Variants in NFATC1 observed in about 807,000 individuals in gnomAD.
NFATC1 encodes the protein nuclear factor of activated T cells 1, also known as nuclear factor of activated T-cells, cytoplasmic 1.
In NFATC1, 22 loss-of-function variants were observed where a neutral mutation model predicts 76.0. That is an observed-to-expected ratio of 0.29 (90% CI 0.21 to 0.41). The LOEUF (loss-of-function observed/expected upper bound fraction) is 0.41, where lower values mean the gene tolerates loss of function less well. NFATC1 is among the 10% of genes least tolerant of loss of function. NFATC1 has a pLI of 1.00. For synonymous variants in NFATC1, 704 were observed against 613.1 expected (o/e 1.15, Z -2.19); for missense variants, 1,357 against 1,337.7 (o/e 1.01, Z -0.23).
At chr18:79,464,682 G>GTACGTATATATATACACACATGTATA (rs2088356170) in intron 7 of NFATC1, among the ~76,000 whole-genome samples, 1 of 100,790 alleles carries the variant, frequency 9.9e-6, no homozygotes, top group African/African-American at 4.6e-5. Context: ...ATATGTATGT[G>GTACGTATATATATACACACATGTATA]TATATATATA....
chr18:79,466,157 A>G (rs1290575205), intron 7 of NFATC1, among the ~76,000 whole-genome samples: 1 of 152,216 alleles, frequency 6.6e-6, no homozygotes, highest in African/African-American at 2.4e-5. Context: ...TTATTTGTAA[A>G]TGAAAGAGCC....
chr18:79,510,079 A>G (rs568923717), intron 9 of NFATC1, among the ~76,000 whole-genome samples: 32 of 152,190 alleles, frequency 2.1e-4, no homozygotes, highest in Non-Finnish European at 3.4e-4. Context: ...TCAGAAACCA[A>G]ATTTAGGAAA....
At position 79,484,049 on chromosome 18, in the gene NFATC1, G is replaced by A. The variant is rs1315521426; in HGVS notation, c.2093-2199G>A. Reference sequence around the variant, plus strand: ...CCTGGTTCCTGGGGTGTCATTCCAGGGTGACCTGGTCCTGGGGTGTCATTC... The same window carrying A: ...CCTGGTTCCTGGGGTGTCATTCCAGAGTGACCTGGTCCTGGGGTGTCATTC... On this transcript the variant is annotated intron_variant, in intron 8 of 9. Coordinates refer to ENST00000427363, the MANE Select transcript of NFATC1 (RefSeq NM_001278669.2). Among the ~76,000 whole-genome samples the A allele has an allele frequency of 2.0e-5, 3 of 148,814 alleles. No individual in the cohort carries two copies. The South Asian group carries it at 6.5e-4, about 32-fold the overall frequency.
chr18:79,488,619 G>T (rs1344205370), intron 9 of NFATC1, among the ~76,000 whole-genome samples: 1 of 152,170 alleles, frequency 6.6e-6, no homozygotes, highest in African/African-American at 2.4e-5. Context: ...CCGGAGCTCC[G>T]CATGGGGCCC....
intron 9 of NFATC1, among the ~76,000 whole-genome samples, chr18:79,510,891 C>T (rs958018886): frequency 6.6e-6 from 1 of 151,566 alleles, no homozygotes; most frequent in East Asian, 1.9e-4. Context: ...CCGGGGCATC[C>T]TCCGCCGGGA....
chr18:79,401,290 G>T (rs1207401041), intron 1 of NFATC1, among the ~76,000 whole-genome samples: 2 of 152,038 alleles, frequency 1.3e-5, no homozygotes, highest in Non-Finnish European at 2.9e-5. Flanking sequence ...GGAGGAGCTT[G>T]GCAAGCAGGG....
Position 79,396,165 on chromosome 18 carries a change from G to A in NFATC1, c.-60G>A. The A allele has an allele frequency of 3.6e-6, 5 of 1,382,442 alleles. No homozygotes were observed. Among genetic ancestry groups the A allele is most frequent in the Non-Finnish European group, 4.7e-6 (5 of 1,054,560 alleles). 85.6% of individuals were successfully genotyped at this position (1,382,442 alleles called of 1,614,324 possible). A position where few individuals can be genotyped will look rare whatever the true frequency, so the allele number is the denominator to read the frequency against. ...CCCGGAGACCCGACCCCGGCAGCGCGGGGCGGCCGCTTCTCCTGTGCCTCC... is the reference window on the plus strand; with the variant it reads ...CCCGGAGACCCGACCCCGGCAGCGCAGGGCGGCCGCTTCTCCTGTGCCTCC... On this transcript the variant is annotated 5_prime_UTR_variant, in exon 1 of 10. Transcript: ENST00000427363.
At chr18:79,501,965 A>T (rs1469961131) in intron 9 of NFATC1, among the ~76,000 whole-genome samples, 1 of 152,226 alleles carries the variant, frequency 6.6e-6, no homozygotes, top group East Asian at 1.9e-4. Flanking sequence ...TGCAATCTCC[A>T]TCAAAACTCC....
chr18:79,479,501 A>G (rs570658386), intron 8 of NFATC1, among the ~76,000 whole-genome samples: 12 of 152,330 alleles, frequency 7.9e-5, no homozygotes, highest in African/African-American at 2.6e-4. Flanking sequence ...ACCCACACAA[A>G]AAGCACAGTT....
intron 1 of NFATC1, chr18:79,402,396 C>T: frequency 2.0e-6 from 2 of 985,218 alleles, no homozygotes; most frequent in African/African-American, 1.7e-5. Flanking sequence ...AGGACACAGT[C>T]CTCCCCGGCA....
rs1228796889 is a variant in NFATC1 at position 79,520,953 on chromosome 18, GTGTC to G, written c.2783-6571_2783-6568del. On this transcript the variant is annotated intron_variant, in intron 9 of 9. Transcript: ENST00000427363. ...TGGGAGGGAGCATCCACTGATGTGT[GTGTC>G]TGTGTGTGGGGGGGCATCCGCTGAT... Among the ~76,000 whole-genome samples, 92 of 110,062 alleles carry G rather than the reference GTGTC, an allele frequency of 8.4e-4. 3 individuals carry two copies. The highest frequency in any genetic ancestry group is 3.1e-3 in the African/African-American group (87 of 27,900). The allele number at this position is 110,062 out of a possible 152,430, so 72.2% of individuals were successfully genotyped here.
chr18:79,468,783 G>A (rs929409939), intron 8 of NFATC1: 10 of 152,344 alleles, frequency 6.6e-5, no homozygotes, highest in Admixed American at 2.0e-4. Context: ...CCCTAAGAGT[G>A]TCTGTGAGAC....
At chr18:79,521,624 G>GC (rs2090576348) in intron 9 of NFATC1, among the ~76,000 whole-genome samples, 1 of 63,872 alleles carries the variant, frequency 1.6e-5, no homozygotes, top group Non-Finnish European at 3.2e-5. Context: ...GTGTGTGTGG[G>GC]GGGGGGGGCA....
intron 8 of NFATC1, among the ~76,000 whole-genome samples, chr18:79,475,504 G>A (rs1183456909): frequency 1.3e-5 from 2 of 150,760 alleles, no homozygotes; most frequent in Non-Finnish European, 2.9e-5. Flanking sequence ...ACGTTGCGAT[G>A]GAAGCGTGTT....
chr18:79,450,243 A>G (rs2087405643), intron 4 of NFATC1, among the ~76,000 whole-genome samples: 2 of 152,152 alleles, frequency 1.3e-5, no homozygotes, highest in East Asian at 1.9e-4. Context: ...TTTTTAGTGC[A>G]TTGAGAATGT....
chr18:79,451,441 G>T (rs1031205576), intron 5 of NFATC1, among the ~76,000 whole-genome samples: 5 of 152,242 alleles, frequency 3.3e-5, no homozygotes, highest in Non-Finnish European at 7.3e-5. Flanking sequence ...AGTGAAATTG[G>T]CTGAGTCTTA....
At chr18:79,515,909 A>AGT (rs2090370622) in intron 9 of NFATC1, 2 of 151,912 alleles carry the variant, frequency 1.3e-5, no homozygotes, top group African/African-American at 4.8e-5. Context: ...GAAAACTGCA[A>AGT]GTGGTGGTTT....
At chr18:79,481,129 T>G (rs1390975003) in intron 8 of NFATC1, among the ~76,000 whole-genome samples, 2 of 152,252 alleles carry the variant, frequency 1.3e-5, no homozygotes, top group Non-Finnish European at 1.5e-5. Context: ...AGAGAGCACT[T>G]GGCCAAGCCC....
In NFATC1 at chr18:79,433,749, C is replaced by G. The variant is rs1413118238; in HGVS notation, c.1386+11C>G. 1.9e-6 allele frequency: 3 copies of G among 1,604,818 alleles called. No individual in the cohort carries two copies. The African/African-American group carries it at 4.0e-5, about 22-fold the overall frequency. ...CACCCCATCGTGCAGGTAGGCACTG[C>G]GGCCAGACTCGCACGTCACTTGGTG... On this transcript the variant is annotated intron_variant, in intron 3 of 9. Transcript: ENST00000427363.
Sources: gnomAD v4.1 joint callset for allele counts (sites outside exome capture counted in the v4.1 genomes callset) on GRCh38, gnomAD v4.1.1 for gene constraint, MANE v1.5 for transcripts, NCBI Gene and HGNC (gene_info 2026-07-23, HGNC 2026-07-21) for gene names.